The following AUH variants were observed in gnomAD, a reference collection of about 807,000 sequenced individuals.
AUH encodes the protein methylglutaconyl-CoA hydratase, mitochondrial.
In AUH, 29 loss-of-function variants were observed where a neutral mutation model predicts 42.3. The ratio of observed to expected loss-of-function variants is 0.69; its 90% CI spans 0.51 to 0.93. The LOEUF (loss-of-function observed/expected upper bound fraction) is 0.93, where lower values mean the gene tolerates loss of function less well. AUH is among the 40% of genes least tolerant of loss of function. The pLI is 0.00. For synonymous variants in AUH, 174 were observed against 166.4 expected (o/e 1.05, Z -0.35); for missense variants, 452 against 438.1 (o/e 1.03, Z -0.28).
At chr9:91,277,681 T>G (rs1825651124) in intron 6 of AUH, among the ~76,000 whole-genome samples, 1 of 152,230 alleles carries the variant, frequency 6.6e-6, no homozygotes, top group Admixed American at 6.5e-5. Flanking sequence ...TTATTGGGGC[T>G]GTTTTCCCTA....
intron 3 of AUH, among the ~76,000 whole-genome samples, chr9:91,339,444 T>A (rs889210880): frequency 1.3e-5 from 2 of 152,196 alleles, no homozygotes; most frequent in Admixed American, 6.5e-5. Flanking sequence ...GTCAATATAC[T>A]GCAGGTACTA....
chr9:91,359,838 T>C lies in AUH; in HGVS notation c.262+1790A>G, dbSNP rs1832713807. Among the ~76,000 whole-genome samples the C allele has an allele frequency of 3.3e-5, 5 of 152,306 alleles. No homozygotes were observed. The South Asian group carries it at 1.0e-3, about 32-fold the overall frequency. ...GGAAACTCCTTCACCTGTAGTACCC[T>C]TGACCTCATGTTTTTCTTTGCACTG... is the stretch of plus-strand genomic sequence containing the variant. On this transcript the variant is annotated intron_variant, in intron 1 of 9. Coordinates refer to ENST00000375731, the MANE Select transcript of AUH (RefSeq NM_001698.3).
intron 6 of AUH, among the ~76,000 whole-genome samples, chr9:91,235,046 TGAG>T (rs1276953143): frequency 6.6e-6 from 1 of 151,492 alleles, no homozygotes; most frequent in Non-Finnish European, 1.5e-5. Flanking sequence ...GGAAAGGATG[TGAG>T]GAGGAGCAGG....
intron 6 of AUH, among the ~76,000 whole-genome samples, chr9:91,285,804 T>C (rs771307699): frequency 1.3e-5 from 2 of 152,168 alleles, no homozygotes; most frequent in Non-Finnish European, 2.9e-5. Context: ...TCATAGTGTG[T>C]GCTCGTGTAT....
chr9:91,307,666 T>A (rs1237332295), intron 4 of AUH, among the ~76,000 whole-genome samples: 2 of 152,224 alleles, frequency 1.3e-5, no homozygotes, highest in African/African-American at 4.8e-5. Context: ...TACAGAATAT[T>A]GTTGCAAATT....
chr9:91,282,734 C>G (rs886414687), intron 6 of AUH, among the ~76,000 whole-genome samples: 14 of 152,148 alleles, frequency 9.2e-5, no homozygotes, highest in African/African-American at 3.4e-4. Flanking sequence ...AATTCCTGGA[C>G]ACATACACCC....
intron 6 of AUH, among the ~76,000 whole-genome samples, chr9:91,234,630 CTTAT>C (rs999413555): frequency 4.6e-5 from 7 of 151,610 alleles, no homozygotes; most frequent in African/African-American, 1.5e-4. Context: ...CCAAATAAAG[CTTAT>C]TTAAGTTCAA....
At chr9:91,232,325 A>T (rs1827935124) in intron 6 of AUH, among the ~76,000 whole-genome samples, 1 of 152,188 alleles carries the variant, frequency 6.6e-6, no homozygotes, top group Non-Finnish European at 1.5e-5. Flanking sequence ...GTGAGCTATG[A>T]TTATGCCACT....
intron 4 of AUH, among the ~76,000 whole-genome samples, chr9:91,308,119 T>A (rs900057123): frequency 6.6e-6 from 1 of 152,124 alleles, no homozygotes; most frequent in South Asian, 2.1e-4. Flanking sequence ...AATGTAAAAT[T>A]GCCAAAATCA....
intron 6 of AUH, among the ~76,000 whole-genome samples, chr9:91,222,146 A>G (rs1827167235): frequency 6.6e-6 from 1 of 151,768 alleles, no homozygotes. Context: ...TAGATGAGTG[A>G]TTTTATCTTA....
intron 3 of AUH, among the ~76,000 whole-genome samples, chr9:91,332,712 G>A (rs950922924): frequency 2.0e-5 from 3 of 152,132 alleles, no homozygotes; most frequent in Non-Finnish European, 4.4e-5. Flanking sequence ...TATGATGAAC[G>A]AGGTGGCTGA....
intron 6 of AUH, among the ~76,000 whole-genome samples, chr9:91,230,383 G>A (rs1371722883): frequency 1.3e-5 from 2 of 151,402 alleles, no homozygotes; most frequent in Non-Finnish European, 2.9e-5. Context: ...CGTAGTTCTC[G>A]AGCCTTGGTT....
At chr9:91,258,718 AG>A (rs1829545819) in intron 6 of AUH, among the ~76,000 whole-genome samples, 1 of 152,204 alleles carries the variant, frequency 6.6e-6, no homozygotes, top group Non-Finnish European at 1.5e-5. Context: ...TGTCAGTTTG[AG>A]GAAGTATCCT....
intron 4 of AUH, among the ~76,000 whole-genome samples, chr9:91,300,263 A>G (rs1827679839): frequency 6.6e-6 from 1 of 151,956 alleles, no homozygotes; most frequent in African/African-American, 2.4e-5. Flanking sequence ...TACCACCTAT[A>G]CTACCACCAA....
chr9:91,223,111 AC>A (rs1164115496), intron 6 of AUH, among the ~76,000 whole-genome samples: 1 of 152,206 alleles, frequency 6.6e-6, no homozygotes, highest in African/African-American at 2.4e-5. Flanking sequence ...GATGCATAAC[AC>A]AACAGATGGC....
intron 7 of AUH, 40 bp downstream of exon 7, chr9:91,220,765 C>T: frequency 6.2e-7 from 1 of 1,606,980 alleles, no homozygotes; most frequent in South Asian, 1.1e-5. Flanking sequence ...TATAATGTTT[C>T]CTAAAATGAG....
chr9:91,243,034 A>T (rs1828605298), intron 6 of AUH, among the ~76,000 whole-genome samples: 1 of 152,238 alleles, frequency 6.6e-6, no homozygotes, highest in African/African-American at 2.4e-5. Context: ...ATGTAATGGA[A>T]TACATTACTC....
intron 6 of AUH, among the ~76,000 whole-genome samples, chr9:91,279,984 G>A (rs1259602444): frequency 5.3e-5 from 8 of 152,014 alleles, no homozygotes; most frequent in Admixed American, 1.3e-4. Flanking sequence ...TGACATTTAC[G>A]TCTGTCGGAT....
intron 4 of AUH, among the ~76,000 whole-genome samples, chr9:91,308,802 T>C (rs1163911570): frequency 1.3e-5 from 2 of 151,790 alleles, no homozygotes; most frequent in Non-Finnish European, 2.9e-5. Context: ...TTTTTTTTTT[T>C]TTTTTGAGAC....
Sources: gnomAD v4.1 joint callset for allele counts (sites outside exome capture counted in the v4.1 genomes callset) on GRCh38, gnomAD v4.1.1 for gene constraint, MANE v1.5 for transcripts, NCBI Gene and HGNC (gene_info 2026-07-23, HGNC 2026-07-21) for gene names.